Variants in RGL4 observed in about 807,000 individuals in gnomAD.
RGL4 encodes ral-GDS-related protein.
In RGL4, 41 loss-of-function variants were observed where a neutral mutation model predicts 49.6. The observed-to-expected ratio is 0.83, with a 90% confidence interval of 0.64 to 1.07. The LOEUF is 1.07. RGL4 is among the 50% of genes least tolerant of loss of function. RGL4 has a pLI of 0.00. For missense variants in RGL4, 610 were observed against 591.9 expected (o/e 1.03, Z -0.32); for synonymous variants, 255 against 238.0 (o/e 1.07, Z -0.66).
intron 6 of RGL4, among the ~76,000 whole-genome samples, chr22:23,695,883 A>T (rs189440787): frequency 6.6e-6 from 1 of 152,154 alleles, no homozygotes; most frequent in Admixed American, 6.5e-5. Context: ...GGAGAAAGAG[A>T]GAGTTCCGTG....
Position 23,697,868 on chromosome 22 carries a change from A to G in RGL4, c.1260+7A>G. ...CACCAACAAGAGGAGCAAGGTGAGC[A>G]GCTGGGGCACTCACGTTGGATGAGG... On this transcript the variant is annotated splice_region_variant and intron_variant, in intron 9 of 10. Transcript: ENST00000290691. 1 of 1,605,964 alleles carries G rather than the reference A, an allele frequency of 6.2e-7. No homozygotes were observed. Among genetic ancestry groups the G allele is most frequent in the Non-Finnish European group, 8.5e-7 (1 of 1,177,034 alleles).
chr22:23,698,445 C>G lies in RGL4; in HGVS notation c.1382+112C>G, dbSNP rs1396432849. On this transcript the variant is annotated intron_variant, in intron 10 of 10. Transcript: ENST00000290691. ...ACTGCAGTGTCACCATCTCTGTTCA[C>G]TGCAACGTCTGCCTTCTGGGCTCAA... The G allele has an allele frequency of 2.4e-6, 3 of 1,264,502 alleles. No individual in the cohort carries two copies. The African/African-American group carries it at 4.4e-5, about 18-fold the overall frequency. The allele number at this position is 1,264,502 out of a possible 1,614,324, so 78.3% of individuals were successfully genotyped here. A position where few individuals can be genotyped will look rare whatever the true frequency, so the allele number is the denominator to read the frequency against.
chr22:23,697,019 G>A, intron 7 of RGL4, 152 bp from the exon 8 acceptor site: 1 of 674,254 alleles, frequency 1.5e-6, no homozygotes, highest in Non-Finnish European at 2.6e-6. Flanking sequence ...GGCAGCTGAG[G>A]GTCTTTGGCT....
intron 6 of RGL4, chr22:23,695,584 T>C: frequency 2.6e-6 from 1 of 391,244 alleles, no homozygotes; most frequent in Non-Finnish European, 5.1e-6. Flanking sequence ...CTGCCCAGCT[T>C]TGGGTACCAA....
In RGL4 at chr22:23,697,822, T is replaced by C. The variant is rs759153257; in HGVS notation, c.1237-16T>C. 2.5e-6 allele frequency: 4 copies of C among 1,603,322 alleles called. No homozygotes were observed. The highest frequency in any genetic ancestry group is 1.1e-5 in the South Asian group (1 of 88,584). Reference sequence around the variant, plus strand: ...TGGGCCAGGGGCCTTTCTGATGGACTCTGTCTGCCTTCCAGGGCAACACCA... The same window carrying C: ...TGGGCCAGGGGCCTTTCTGATGGACCCTGTCTGCCTTCCAGGGCAACACCA... On this transcript the variant is annotated splice_polypyrimidine_tract_variant and intron_variant, in intron 8 of 10. Coordinates refer to ENST00000290691, the MANE Select transcript of RGL4 (RefSeq NM_153615.2).
Position 23,698,608 on chromosome 22 carries a change from T to C in RGL4, c.1383-236T>C, listed in dbSNP as rs1923683071. ...GTCTCAAACTCCTGGCCTCAAGCAA[T>C]CCACCCACCTCAGCCTCCCAAAGTA... On this transcript the variant is annotated intron_variant, in intron 10 of 10. Transcript: ENST00000290691. The C allele has an allele frequency of 5.5e-6, 4 of 727,970 alleles. No individual in the cohort carries two copies. In the East Asian group the frequency reaches 1.1e-4, roughly 20 times the overall value. The allele number at this position is 727,970 out of a possible 1,614,324, so 45.1% of individuals were successfully genotyped here. A position where few individuals can be genotyped will look rare whatever the true frequency, so the allele number is the denominator to read the frequency against.
rs370993417 is a variant in RGL4, at chr22:23,694,463, C to T, written c.1016+13C>T. ...CAGGAGTGTCCAGGTGAGGAGGGCT[C>T]TCTCCATGGCAGCATCAGGGTTGAC... On this transcript the variant is annotated intron_variant, in intron 5 of 10. Coordinates refer to ENST00000290691, the MANE Select transcript of RGL4 (RefSeq NM_153615.2). 114 of 1,572,798 alleles carry T rather than the reference C, an allele frequency of 7.2e-5. No individual in the cohort carries two copies. The African/African-American group carries it at 1.3e-3, about 17-fold the overall frequency.
chr22:23,696,473 G>T lies in RGL4; in HGVS notation c.1087-141G>T, dbSNP rs191925521. On this transcript the variant is annotated intron_variant, in intron 6 of 10. Coordinates refer to ENST00000290691, the MANE Select transcript of RGL4 (RefSeq NM_153615.2). ...CTGCAAGACTGGGTGACACACACAG[G>T]GAGTGTGGATCTGGGCCAGTGGTAT... 31 of 1,551,346 alleles carry T rather than the reference G, an allele frequency of 2.0e-5. No homozygotes were observed. In the Admixed American group the frequency reaches 5.9e-4, roughly 29 times the overall value.
rs77127695 is a variant in RGL4, at chr22:23,694,062, A to G, written c.912+88A>G. ...ATCGGCTTTCAGGATCGGCATCTGT[A>G]TCTCTGGCCTGGACCCTGCACATCC... is the stretch of plus-strand genomic sequence containing the variant. On this transcript the variant is annotated intron_variant, in intron 4 of 10. Coordinates refer to ENST00000290691, the MANE Select transcript of RGL4 (RefSeq NM_153615.2). 2.0e-3 allele frequency: 2,427 copies of G among 1,217,292 alleles called. 46 individuals are homozygous for G. In the African/African-American group the frequency reaches 0.033, roughly 16 times the overall value. 75.4% of individuals were successfully genotyped at this position (1,217,292 alleles called of 1,614,324 possible).
intron 6 of RGL4, 42 bp from the exon 7 acceptor site, chr22:23,696,572 G>C (rs767599567): frequency 5.1e-5 from 83 of 1,612,680 alleles, no homozygotes; most frequent in Middle Eastern, 1.6e-4. Flanking sequence ...AACTGGGGGA[G>C]AGGAGGAGAG....
In RGL4 at chr22:23,692,181, C is replaced by T. The variant is rs1923178924; in HGVS notation, c.151C>T (p.Pro51Ser). ...AGCCCTGCTGTATGGCCAGGTCTGC[C>T]CCTTCCAGGACAGCACTGATGGCTT... Reference protein sequence around the residue: ...CTALLYGQVCPFQDSTDGLRT... With the variant: ...CTALLYGQVCSFQDSTDGLRT... The change falls in exon 1 of 11, where the codon CCC becomes TCC. Residue 51 changes from proline to serine, a missense_variant. Coordinates refer to ENST00000290691, the MANE Select transcript of RGL4 (RefSeq NM_153615.2). 1.2e-6 allele frequency: 2 copies of T among 1,614,182 alleles called. No homozygotes were observed. Among genetic ancestry groups the T allele is most frequent in the East Asian group, 2.2e-5 (1 of 44,888 alleles).
intron 6 of RGL4, 90 bp from the exon 7 acceptor site, chr22:23,696,524 C>T: frequency 6.3e-7 from 1 of 1,599,872 alleles, no homozygotes; most frequent in Non-Finnish European, 8.5e-7. Flanking sequence ...TGGCTCCCGC[C>T]ACTCCCTGGG....
rs1238262111 is a variant in RGL4, at chr22:23,691,717, C to T, written c.-314C>T. ...TTTAGGGTTCTGAAGGGCCTTTTCACCCACAAAACATGGGGGAAAATATGT... is the reference window on the plus strand; with the variant it reads ...TTTAGGGTTCTGAAGGGCCTTTTCATCCACAAAACATGGGGGAAAATATGT... On this transcript the variant is annotated 5_prime_UTR_variant, in exon 1 of 11. Transcript: ENST00000290691. 6.9e-6 allele frequency: 2 copies of T among 287,784 alleles called. No individual in the cohort carries two copies. Among genetic ancestry groups the T allele is most frequent in the East Asian group, 6.2e-5 (1 of 16,078 alleles). The allele number at this position is 287,784 out of a possible 1,614,324, so 17.8% of individuals were successfully genotyped here. A position where few individuals can be genotyped will look rare whatever the true frequency, so the allele number is the denominator to read the frequency against.
chr22:23,696,830 C>T, intron 7 of RGL4, 142 bp downstream of exon 7: 1 of 731,804 alleles, frequency 1.4e-6, no homozygotes, highest in Non-Finnish European at 2.3e-6. Context: ...CCTGGAAAAC[C>T]TTCATTTGAG....
rs1392077676 is a variant in RGL4, at chr22:23,692,337, C to T, written c.182C>T (p.Thr61Ile). The T allele has an allele frequency of 6.2e-7, 1 of 1,613,982 alleles. No individual in the cohort carries two copies. Among genetic ancestry groups the T allele is most frequent in the Non-Finnish European group, 8.5e-7 (1 of 1,179,898 alleles). Residue 61 changes from threonine (T) to isoleucine (I), a missense_variant and splice_region_variant, in exon 2 of 11, where the codon ACC (threonine) becomes ATC (isoleucine). By Grantham distance (89) the Thr-to-Ile change is moderately conservative (BLOSUM62 -1). Coordinates refer to ENST00000290691, the MANE Select transcript of RGL4 (RefSeq NM_153615.2). ...TCAGCTGTCTACTCCATCACCAGCA[C>T]CATCACCTCCATTTTGTTCAACTGG... ...PFQDSTDGLR[T>I]ITSILFNWPP... is the part of the protein sequence containing the mutation.
chr22:23,698,459 T>C, intron 10 of RGL4, 126 bp downstream of exon 10: 1 of 1,173,798 alleles, frequency 8.5e-7, no homozygotes. Flanking sequence ...AACGTCTGCC[T>C]TCTGGGCTCA....
rs1265576836 is a variant in RGL4, at chr22:23,694,997, T to C, written c.1064T>C (p.Val355Ala). Residue 355 changes from valine to alanine, a missense_variant, in exon 6 of 11, where the codon GTG becomes GCG. Transcript: ENST00000290691. Reference sequence around the variant, plus strand: ...GAACTCTGCAAAAAAGACACTGCAGTGAAGAGGGACCTACTGATCAAGGTA... The same window carrying C: ...GAACTCTGCAAAAAAGACACTGCAGCGAAGAGGGACCTACTGATCAAGGTA... ...LKELCKKDTA[V>A]KRDLLIKAGS... is the part of the protein sequence containing the mutation. 1.9e-5 allele frequency: 30 copies of C among 1,612,938 alleles called. No individual in the cohort carries two copies. Among genetic ancestry groups the C allele is most frequent in the Non-Finnish European group, 2.5e-5 (29 of 1,179,086 alleles).
chr22:23,693,239 G>T (rs893338939), intron 3 of RGL4: 19 of 663,762 alleles, frequency 2.9e-5, no homozygotes, highest in Non-Finnish European at 4.1e-5. Context: ...CAGAAAGCAG[G>T]GCAGGGCAGG....
At chr22:23,695,713 A>C (rs1268854927) in intron 6 of RGL4, among the ~76,000 whole-genome samples, 2 of 152,210 alleles carry the variant, frequency 1.3e-5, no homozygotes, top group Admixed American at 1.3e-4. Flanking sequence ...CATGCTCATG[A>C]CAAGTATCTG....
Sources: allele counts gnomAD v4.1 joint callset (sites outside exome capture counted in the v4.1 genomes callset), GRCh38; gene constraint gnomAD v4.1.1; transcripts MANE v1.5; gene names NCBI Gene and HGNC (gene_info 2026-07-23, HGNC 2026-07-21).